FGF14: variants seen among roughly 807,000 people sequenced by gnomAD.
FGF14 encodes the protein fibroblast growth factor homologous factor 4.
A neutral mutation model predicts 25.5 loss-of-function variants in FGF14; 5 were observed. The ratio of observed to expected loss-of-function variants is 0.20; its 90% CI spans 0.10 to 0.41. FGF14 has a LOEUF of 0.41. Among genes scored for constraint, FGF14 ranks in the 10% least tolerant of loss-of-function variants. FGF14 has a pLI of 1.00. For synonymous variants in FGF14, 138 were observed against 118.3 expected (o/e 1.17, Z -1.08); for missense variants, 222 against 320.1 (o/e 0.69, Z 2.34).
chr13:102,156,072 C>A (rs959888688), intron 1 of FGF14, among the ~76,000 whole-genome samples: 11 of 152,248 alleles, frequency 7.2e-5, no homozygotes, highest in African/African-American at 2.6e-4. Context: ...CTGAATTCTA[C>A]CAGAGGTACA....
chr13:102,115,846 T>TTA (rs2045444625), intron 1 of FGF14, among the ~76,000 whole-genome samples: 1 of 152,008 alleles, frequency 6.6e-6, no homozygotes, highest in Non-Finnish European at 1.5e-5. Context: ...GTGTGGCGGC[T>TTA]CATGCCTGTA....
chr13:101,826,881 G>C (rs2042418523), intron 3 of FGF14, among the ~76,000 whole-genome samples: 1 of 151,800 alleles, frequency 6.6e-6, no homozygotes. Context: ...CTGACATGTA[G>C]GACTTCAAAA....
At chr13:102,050,089 T>G (rs772186578) in intron 1 of FGF14, among the ~76,000 whole-genome samples, 1 of 152,154 alleles carries the variant, frequency 6.6e-6, no homozygotes, top group Non-Finnish European at 1.5e-5. Flanking sequence ...TTCTTAGTTA[T>G]AAAAGCTATA....
chr13:101,726,814 T>G lies in FGF14; in HGVS notation c.409-4A>C, dbSNP rs751226718. 2 of 1,602,672 alleles carry G rather than the reference T, an allele frequency of 1.2e-6. No homozygotes were observed. Among genetic ancestry groups the G allele is most frequent in the Admixed American group, 3.4e-5 (2 of 59,578 alleles). Reference sequence around the variant, plus strand: ...TGCATTCAGGGGTAAAAAGTTCCTGTGGAGAGAAAATGAAACAAAAGTTAG... The same window carrying G: ...TGCATTCAGGGGTAAAAAGTTCCTGGGGAGAGAAAATGAAACAAAAGTTAG... On this transcript the variant is annotated splice_region_variant and splice_polypyrimidine_tract_variant and intron_variant, in intron 3 of 4. Transcript: ENST00000376143.
intron 1 of FGF14, among the ~76,000 whole-genome samples, chr13:101,915,122 C>G (rs1016425139): frequency 6.6e-6 from 1 of 152,210 alleles, no homozygotes; most frequent in African/African-American, 2.4e-5. Context: ...AGAACTTCCA[C>G]TCTGATTTTC....
intron 1 of FGF14, among the ~76,000 whole-genome samples, chr13:102,335,456 T>A (rs1177296665): frequency 6.6e-6 from 1 of 151,950 alleles, no homozygotes; most frequent in African/African-American, 2.4e-5. Flanking sequence ...TTGTTAAGAT[T>A]AAGTAATTTT....
intron 1 of FGF14, among the ~76,000 whole-genome samples, chr13:102,185,056 A>G (rs944224953): frequency 1.3e-5 from 2 of 152,166 alleles, no homozygotes; most frequent in Non-Finnish European, 2.9e-5. Flanking sequence ...TGTCAAGTAA[A>G]GAAAGCATAT....
intron 3 of FGF14, among the ~76,000 whole-genome samples, chr13:101,781,303 T>G (rs958681433): frequency 9.2e-5 from 14 of 152,224 alleles, no homozygotes; most frequent in Non-Finnish European, 1.8e-4. Flanking sequence ...CAGTTCACTG[T>G]TTCTTCCACT....
intron 1 of FGF14, among the ~76,000 whole-genome samples, chr13:101,998,903 T>C (rs1484679868): frequency 2.0e-5 from 3 of 152,350 alleles, no homozygotes; most frequent in East Asian, 1.9e-4. Context: ...CTCTACAGTA[T>C]GTGCTTATTA....
intron 1 of FGF14, among the ~76,000 whole-genome samples, chr13:101,881,500 T>G (rs2045709269): frequency 6.6e-6 from 1 of 152,186 alleles, no homozygotes; most frequent in Non-Finnish European, 1.5e-5. Context: ...TTACATATTT[T>G]CCAAATTAAA....
At chr13:101,905,041 A>T (rs140292632) in intron 1 of FGF14, among the ~76,000 whole-genome samples, 1 of 152,324 alleles carries the variant, frequency 6.6e-6, no homozygotes, top group African/African-American at 2.4e-5. Flanking sequence ...AAAGTCTAAG[A>T]GATGATGGAA....
At chr13:101,806,918 T>C (rs1328562117) in intron 3 of FGF14, among the ~76,000 whole-genome samples, 1 of 152,150 alleles carries the variant, frequency 6.6e-6, no homozygotes, top group Non-Finnish European at 1.5e-5. Flanking sequence ...ATAACTAGAT[T>C]TAATACCTAC....
intron 1 of FGF14, among the ~76,000 whole-genome samples, chr13:102,399,779 T>C (rs2058659297): frequency 6.6e-6 from 1 of 151,632 alleles, no homozygotes; most frequent in Non-Finnish European, 1.5e-5. Context: ...AGGAAACAGA[T>C]GGGGTGAATA....
chr13:101,802,057 T>C (rs1310025746), intron 3 of FGF14: 2 of 353,348 alleles, frequency 5.7e-6, no homozygotes, highest in East Asian at 1.3e-4. Context: ...AGTATAAATC[T>C]GATAAAATGG....
intron 1 of FGF14, among the ~76,000 whole-genome samples, chr13:102,042,415 T>C (rs189054991): frequency 3.8e-4 from 58 of 152,326 alleles, no homozygotes; most frequent in Non-Finnish European, 7.5e-4. Context: ...CTCAGTGACC[T>C]TGTCTATTCT....
At position 102,196,613 on chromosome 13, in the gene FGF14, T is replaced by C. The variant is rs186271852; in HGVS notation, c.208+204858A>G. On this transcript the variant is annotated intron_variant, in intron 1 of 4. Coordinates refer to the FGF14 transcript ENST00000376131. Reference sequence around the variant, plus strand: ...TAGCATACAAGGTGATGTTTTGATATATGTTCACAATGTTGAATGATTAAA... The same window carrying C: ...TAGCATACAAGGTGATGTTTTGATACATGTTCACAATGTTGAATGATTAAA... 7.2e-5 allele frequency among the ~76,000 whole-genome samples: 11 copies of C among 152,356 alleles called. No individual in the cohort carries two copies. In the East Asian group the frequency reaches 2.1e-3, roughly 29 times the overall value.
intron 3 of FGF14, among the ~76,000 whole-genome samples, chr13:101,814,202 A>C (rs1196238161): frequency 6.6e-6 from 1 of 152,166 alleles, no homozygotes; most frequent in East Asian, 1.9e-4. Context: ...CCCATCCCAC[A>C]ACTACTGAAT....
intron 1 of FGF14, among the ~76,000 whole-genome samples, chr13:102,376,874 G>A (rs2058052467): frequency 6.6e-6 from 1 of 152,122 alleles, no homozygotes; most frequent in African/African-American, 2.4e-5. Flanking sequence ...CCCAAGAAAG[G>A]GAGAAGTTTG....
At chr13:102,044,333 C>G (rs931446880) in intron 1 of FGF14, among the ~76,000 whole-genome samples, 4 of 151,702 alleles carry the variant, frequency 2.6e-5, no homozygotes, top group African/African-American at 9.7e-5. Flanking sequence ...TGTTTCTCCC[C>G]TAAACTGCAA....
Sources: allele counts gnomAD v4.1 joint callset (sites outside exome capture counted in the v4.1 genomes callset), GRCh38; gene constraint gnomAD v4.1.1; transcripts MANE v1.5; gene names NCBI Gene and HGNC (gene_info 2026-07-23, HGNC 2026-07-21).